Variants in RALGAPA1 observed in about 807,000 individuals in gnomAD.
RALGAPA1 encodes ral GTPase-activating protein subunit alpha-1.
RALGAPA1 carries 52 observed loss-of-function variants against 269.6 expected under a neutral mutation model. That is an observed-to-expected ratio of 0.19 (90% CI 0.15 to 0.24). The LOEUF (loss-of-function observed/expected upper bound fraction) is 0.24. Ranked by LOEUF, RALGAPA1 falls within the 10% of genes least tolerant of loss-of-function variation. The probability of loss-of-function intolerance (pLI) is 1.00; values close to 1 mark genes in which losing one functional copy is unlikely to be tolerated. For missense variants in RALGAPA1, 1,917 were observed against 3,013.9 expected (o/e 0.64, Z 8.52); for synonymous variants, 817 against 1,008.3 (o/e 0.81, Z 3.60).
chr14:35,748,468 C>G (rs2072348452), intron 10 of RALGAPA1, 117 bp downstream of exon 10: 1 of 1,260,518 alleles, frequency 7.9e-7, no homozygotes, highest in Non-Finnish European at 1.0e-6. Flanking sequence ...CCCACCTCAG[C>G]CTCCTGAACA....
At chr14:35,554,195 A>G (rs549961715) in intron 39 of RALGAPA1, among the ~76,000 whole-genome samples, 80 of 152,188 alleles carry the variant, frequency 5.3e-4, no homozygotes, top group Non-Finnish European at 9.9e-4. Flanking sequence ...CAATACTCAT[A>G]AAGTTTGTAA....
chr14:35,685,737 C>CTTT (rs2065869921), intron 19 of RALGAPA1, among the ~76,000 whole-genome samples: 1 of 152,082 alleles, frequency 6.6e-6, no homozygotes, highest in Non-Finnish European at 1.5e-5. Context: ...AACCCTGTCT[C>CTTT]TACTAAAAAT....
At chr14:35,642,678 C>T (rs771436071) in intron 31 of RALGAPA1, among the ~76,000 whole-genome samples, 2 of 152,134 alleles carry the variant, frequency 1.3e-5, no homozygotes, top group African/African-American at 2.4e-5. Flanking sequence ...ATTAAAAAGT[C>T]AGGAAACAAC....
intron 16 of RALGAPA1, among the ~76,000 whole-genome samples, chr14:35,702,541 T>G (rs2067441386): frequency 6.6e-6 from 1 of 152,218 alleles, no homozygotes; most frequent in Middle Eastern, 3.4e-3. Flanking sequence ...GCTTCTTCCC[T>G]TCTTGAGAAA....
chr14:35,705,090 C>A (rs2067686193), intron 16 of RALGAPA1, among the ~76,000 whole-genome samples: 1 of 152,102 alleles, frequency 6.6e-6, no homozygotes, highest in South Asian at 2.1e-4. Flanking sequence ...TTCCCCCTCC[C>A]TACCAGTTTC....
chr14:35,783,712 T>C (rs114313759), intron 1 of RALGAPA1, among the ~76,000 whole-genome samples: 41 of 152,314 alleles, frequency 2.7e-4, no homozygotes, highest in African/African-American at 9.9e-4. Flanking sequence ...AAAGAATTCT[T>C]ATAATTCAAT....
chr14:35,664,835 T>C, intron 26 of RALGAPA1, 68 bp from the exon 27 acceptor site: 2 of 1,493,456 alleles, frequency 1.3e-6, no homozygotes, highest in Admixed American at 2.0e-5. Context: ...AAAGTTGCTT[T>C]GTTATCCAAC....
intron 41 of RALGAPA1, among the ~76,000 whole-genome samples, chr14:35,545,319 C>T (rs1400431621): frequency 2.0e-5 from 3 of 151,888 alleles, no homozygotes; most frequent in Non-Finnish European, 4.4e-5. Context: ...ATCATAAATT[C>T]CATCCTATCT....
intron 10 of RALGAPA1, among the ~76,000 whole-genome samples, chr14:35,745,819 T>TC (rs1424702362): frequency 2.8e-5 from 4 of 142,942 alleles, no homozygotes; most frequent in African/African-American, 1.1e-4. Context: ...GCACAGTGGC[T>TC]CATGCCTTCA....
chr14:35,635,672 C>G (rs1015317468), intron 31 of RALGAPA1, 74 bp from the exon 32 acceptor site: 3 of 1,322,280 alleles, frequency 2.3e-6, no homozygotes, highest in Non-Finnish European at 3.0e-6. Flanking sequence ...TTTTCTTATT[C>G]TTGAGTTTCC....
chr14:35,653,327 T>C (rs12898138), intron 30 of RALGAPA1, among the ~76,000 whole-genome samples: 20,084 of 152,246 alleles, frequency 0.13, 1,377 homozygotes, highest in African/African-American at 0.14. Flanking sequence ...CTAAAAATGT[T>C]ATAAAGATAG....
intron 36 of RALGAPA1, among the ~76,000 whole-genome samples, chr14:35,603,961 A>G (rs2059432964): frequency 6.6e-6 from 1 of 152,122 alleles, no homozygotes. Context: ...GTAGTTAACA[A>G]TAATATATTA....
At chr14:35,662,015 G>A (rs1368039703) in intron 27 of RALGAPA1, among the ~76,000 whole-genome samples, 1 of 152,134 alleles carries the variant, frequency 6.6e-6, no homozygotes, top group African/African-American at 2.4e-5. Context: ...TGGTGATGAC[G>A]AAAATGTTCT....
At chr14:35,807,098 A>T (rs114236594) in intron 1 of RALGAPA1, among the ~76,000 whole-genome samples, 1,629 of 152,284 alleles carry the variant, frequency 0.011, 33 homozygotes, top group African/African-American at 0.037. Context: ...TCTATAAATA[A>T]AGTATGGCCT....
At chr14:35,712,241 A>C (rs112035848) in intron 16 of RALGAPA1, among the ~76,000 whole-genome samples, 8,551 of 122,870 alleles carry the variant, frequency 0.07, 324 homozygotes, top group East Asian at 0.37. Context: ...AGCATGTCTC[A>C]AAAAAAAAAA....
At chr14:35,585,259 T>C (rs1443244309) in intron 37 of RALGAPA1, among the ~76,000 whole-genome samples, 1 of 152,036 alleles carries the variant, frequency 6.6e-6, no homozygotes, top group Non-Finnish European at 1.5e-5. Context: ...CCTTCGGAAA[T>C]TCAAAAGAAC....
At chr14:35,736,185 G>A (rs2070979612) in intron 12 of RALGAPA1, among the ~76,000 whole-genome samples, 1 of 152,124 alleles carries the variant, frequency 6.6e-6, no homozygotes, top group African/African-American at 2.4e-5. Context: ...CATTATGAAG[G>A]GAGAGCTGAC....
At chr14:35,766,619 TGC>T in intron 4 of RALGAPA1, 1 of 735,248 alleles carries the variant, frequency 1.4e-6, no homozygotes. Flanking sequence ...CCATGTATGC[TGC>T]AACCAGACGA....
intron 2 of RALGAPA1, 63 bp downstream of exon 2, chr14:35,775,572 A>T: frequency 6.6e-7 from 1 of 1,510,398 alleles, no homozygotes. Flanking sequence ...ACAGCCTTTA[A>T]GTTATGTTTA....
Sources: gnomAD v4.1 joint callset for allele counts (sites outside exome capture counted in the v4.1 genomes callset) on GRCh38, gnomAD v4.1.1 for gene constraint, MANE v1.5 for transcripts, NCBI Gene and HGNC (gene_info 2026-07-23, HGNC 2026-07-21) for gene names.